Variants in ZNF487 observed in about 807,000 individuals in gnomAD.
The protein encoded by ZNF487 is zinc finger protein 487, also known as KRAB domain only 1.
Under a neutral mutation model 3.0 loss-of-function variants are expected in ZNF487, and 4 were observed. That is an observed-to-expected ratio of 1.35 (90% CI 0.66 to 3.08). The LOEUF is 3.08. Among genes scored for constraint, ZNF487 ranks in the 30% most tolerant of loss-of-function variants. The pLI is 0.01. For synonymous variants in ZNF487, 55 were observed against 34.6 expected, an observed-to-expected ratio of 1.59 and a Z score of -2.06; for missense variants, 146 against 98.7, an observed-to-expected ratio of 1.48 and a Z score of -2.03.
chr10:43,446,460 G>A (rs188863195), intron 1 of ZNF487, among the ~76,000 whole-genome samples: 264 of 146,646 alleles, frequency 1.8e-3, no homozygotes, highest in African/African-American at 6.5e-3. Context: ...GGGCAGAGGC[G>A]CTCCTCACCT....
the ZNF487 span, among the ~76,000 whole-genome samples, chr10:43,516,502 T>C: frequency 1.3e-5 from 2 of 152,100 alleles, no homozygotes; most frequent in Non-Finnish European, 2.9e-5. Flanking sequence ...TATATATGTA[T>C]AGAGGGGTTT....
intron 1 of ZNF487, among the ~76,000 whole-genome samples, chr10:43,469,786 C>CA (rs1462095043): frequency 6.6e-6 from 1 of 151,688 alleles, no homozygotes; most frequent in African/African-American, 2.4e-5. Flanking sequence ...CTGTCTCTAC[C>CA]AAAAAATAGA....
At chr10:43,472,166 G>A (rs1181157937) in intron 1 of ZNF487, among the ~76,000 whole-genome samples, 1 of 152,060 alleles carries the variant, frequency 6.6e-6, no homozygotes, top group East Asian at 1.9e-4. Flanking sequence ...ATCCCTCCTG[G>A]TAATCTCTCC....
At chr10:43,480,403 G>T (rs966831560) in intron 3 of ZNF487, among the ~76,000 whole-genome samples, 2 of 148,720 alleles carry the variant, frequency 1.3e-5, no homozygotes, top group African/African-American at 5.0e-5. Context: ...ACCGCACCTG[G>T]CCACTTTTTA....
intron 1 of ZNF487, among the ~76,000 whole-genome samples, chr10:43,465,596 C>G (rs971036068): frequency 1.1e-4 from 17 of 151,920 alleles, no homozygotes; most frequent in Admixed American, 2.0e-4. Context: ...GATGGGCGGC[C>G]GGGCAGAGAC....
At position 43,438,038 on chromosome 10, in the gene ZNF487, C is replaced by T. The variant is rs187490887; in HGVS notation, c.-94+776C>T. Among the ~76,000 whole-genome samples the T allele has an allele frequency of 7.9e-5, 12 of 152,076 alleles. No homozygotes were observed. The East Asian group carries it at 2.3e-3, about 29-fold the overall frequency. On this transcript the variant is annotated intron_variant, in intron 1 of 3. Coordinates refer to ENST00000437590, the MANE Select transcript of ZNF487 (RefSeq NM_001355444.3). ...TTTGCCTCCTAGTGTTACTTTTCTG[C>T]TGTGTGTGTAATAGCCATTTGTTTT...
chr10:43,466,684 A>G (rs1285739278), intron 1 of ZNF487, among the ~76,000 whole-genome samples: 1 of 152,166 alleles, frequency 6.6e-6, no homozygotes, highest in Non-Finnish European at 1.5e-5. Flanking sequence ...TACAGGCGTG[A>G]GCCACCATGC....
chr10:43,457,027 A>G (rs1287354316), intron 1 of ZNF487, among the ~76,000 whole-genome samples: 1 of 152,206 alleles, frequency 6.6e-6, no homozygotes, highest in East Asian at 1.9e-4. Context: ...TTACTCAGAA[A>G]GTAGTTCAGG....
At chr10:43,468,966 G>T (rs1341074005) in intron 1 of ZNF487, among the ~76,000 whole-genome samples, 1 of 136,992 alleles carries the variant, frequency 7.3e-6, no homozygotes, top group East Asian at 2.3e-4. Context: ...TCCAGCCTGG[G>T]CTACAGAGTG....
chr10:43,465,283 G>A (rs948084642), intron 1 of ZNF487, among the ~76,000 whole-genome samples: 35 of 151,414 alleles, frequency 2.3e-4, no homozygotes, highest in Non-Finnish European at 3.8e-4. Context: ...CTGGCCTGGC[G>A]GGGGCTGATC....
At chr10:43,461,064 T>C (rs893658890) in intron 1 of ZNF487, among the ~76,000 whole-genome samples, 6 of 151,558 alleles carry the variant, frequency 4.0e-5, no homozygotes, top group African/African-American at 1.5e-4. Context: ...TGGAGTGCAA[T>C]GGCGTGATCT....
intron 1 of ZNF487, among the ~76,000 whole-genome samples, chr10:43,463,836 A>G (rs566451795): frequency 1.2e-4 from 18 of 147,098 alleles, no homozygotes; most frequent in Non-Finnish European, 2.5e-4. Context: ...GATTTCTGTT[A>G]TTATTATTGT....
chr10:43,517,784 G>A, the ZNF487 span, among the ~76,000 whole-genome samples: 1 of 152,184 alleles, frequency 6.6e-6, no homozygotes, highest in African/African-American at 2.4e-5. Context: ...TACTCCATCT[G>A]TGGGAGGGGT....
chr10:43,506,250 A>G, the ZNF487 span, among the ~76,000 whole-genome samples: 1 of 152,196 alleles, frequency 6.6e-6, no homozygotes, highest in South Asian at 2.1e-4. Context: ...TCTGTGGCTC[A>G]TGCCTATAAT....
chr10:43,455,401 C>G (rs1840148283), intron 1 of ZNF487, among the ~76,000 whole-genome samples: 1 of 152,250 alleles, frequency 6.6e-6, no homozygotes, highest in South Asian at 2.1e-4. Context: ...GGCATCGTGA[C>G]TACCAACCAC....
chr10:43,463,718 T>TC (rs1472722180), intron 1 of ZNF487, among the ~76,000 whole-genome samples: 8 of 150,058 alleles, frequency 5.3e-5, no homozygotes, highest in Admixed American at 6.6e-5. Context: ...CTTTCTTTTT[T>TC]TTTTTTTTTT....
At chr10:43,441,475 C>A (rs1839608149) in intron 1 of ZNF487, among the ~76,000 whole-genome samples, 1 of 152,074 alleles carries the variant, frequency 6.6e-6, no homozygotes, top group African/African-American at 2.4e-5. Context: ...CCTTGTTGGT[C>A]AGGTTGGTCT....
intron 1 of ZNF487, among the ~76,000 whole-genome samples, chr10:43,440,070 C>A: frequency 2.0e-5 from 1 of 50,250 alleles, no homozygotes; most frequent in Non-Finnish European, 6.2e-5. Flanking sequence ...TTTTTTGAGG[C>A]GAAGTTTCAC....
In ZNF487 at chr10:43,475,552, T is replaced by C. The variant is rs1841065969; in HGVS notation, c.-93-169T>C. ...AATTAATATACCGGCAGAGTCCTCATACCAGGATTTCTCATTTTCCTACAA... is the reference window on the plus strand; with the variant it reads ...AATTAATATACCGGCAGAGTCCTCACACCAGGATTTCTCATTTTCCTACAA... On this transcript the variant is annotated intron_variant, in intron 1 of 3. Coordinates refer to ENST00000437590, the MANE Select transcript of ZNF487 (RefSeq NM_001355444.3). 1.5e-5 allele frequency: 9 copies of C among 589,592 alleles called. No homozygotes were observed. The South Asian group carries it at 1.8e-4, about 12-fold the overall frequency. 36.5% of individuals were successfully genotyped at this position (589,592 alleles called of 1,614,324 possible).
Sources: gnomAD v4.1 joint callset for allele counts (sites outside exome capture counted in the v4.1 genomes callset) on GRCh38, gnomAD v4.1.1 for gene constraint, MANE v1.5 for transcripts, NCBI Gene and HGNC (gene_info 2026-07-23, HGNC 2026-07-21) for gene names.